GLCCI1: variants seen among roughly 807,000 people sequenced by gnomAD.
GLCCI1 encodes the protein glucocorticoid induced 1.
GLCCI1 carries 24 observed loss-of-function variants against 52.2 expected under a neutral mutation model. That is an observed-to-expected ratio of 0.46 (90% confidence interval 0.33 to 0.65). The LOEUF is 0.65. Among genes scored for constraint, GLCCI1 ranks in the 30% least tolerant of loss-of-function variants. The pLI is 0.02. For synonymous variants in GLCCI1, 310 were observed against 276.5 expected, an observed-to-expected ratio of 1.12 and a Z score of -1.20; for missense variants, 704 against 701.5, an observed-to-expected ratio of 1.00 and a Z score of -0.04.
chr7:8,057,351 A>G (rs867171408), intron 4 of GLCCI1, among the ~76,000 whole-genome samples: 1 of 152,214 alleles, frequency 6.6e-6, no homozygotes, highest in Non-Finnish European at 1.5e-5. Flanking sequence ...CCATGCATCC[A>G]TGCAATACTG....
At chr7:8,070,624 T>C (rs1031839553) in intron 5 of GLCCI1, 1 of 223,260 alleles carries the variant, frequency 4.5e-6, no homozygotes, top group African/African-American at 2.3e-5. Context: ...CCAGGAGTAG[T>C]GCCAGGCACA....
intron 5 of GLCCI1, among the ~76,000 whole-genome samples, chr7:8,069,162 G>C (rs1203259309): frequency 6.6e-6 from 1 of 152,184 alleles, no homozygotes; most frequent in Non-Finnish European, 1.5e-5. Flanking sequence ...GGCAGCAGGG[G>C]AAGGGACCTT....
chr7:8,073,862 G>A lies in GLCCI1; in HGVS notation c.1177+2731G>A, dbSNP rs117372444. On this transcript the variant is annotated intron_variant, in intron 6 of 7. Transcript: ENST00000223145. The stretch of plus-strand genomic sequence containing the variant: ...AATATCTACCATATTTAGCTGAGAG[G>A]CATTACTTTGTGATTAAGATCAAGT... 4.6e-3 allele frequency among the ~76,000 whole-genome samples: 704 copies of A among 152,266 alleles called. 2 individuals are homozygous for A. The highest frequency in any genetic ancestry group is 0.01 in the Middle Eastern group (3 of 294).
chr7:8,055,647 G>A, intron 4 of GLCCI1, 98 bp downstream of exon 4: 1 of 779,262 alleles, frequency 1.3e-6, no homozygotes, highest in Non-Finnish European at 2.2e-6. Flanking sequence ...TAAATATTTA[G>A]CTCTACTAAA....
chr7:8,014,831 TAA>T (rs1781343868), intron 2 of GLCCI1, among the ~76,000 whole-genome samples: 1 of 152,244 alleles, frequency 6.6e-6, no homozygotes, highest in Admixed American at 6.5e-5. Flanking sequence ...AGATCTTAAA[TAA>T]AATTACATAT....
intron 5 of GLCCI1, among the ~76,000 whole-genome samples, chr7:8,068,559 A>C (rs1348546458): frequency 6.6e-6 from 1 of 152,212 alleles, no homozygotes; most frequent in African/African-American, 2.4e-5. Flanking sequence ...GGTAATCATT[A>C]GATTCCTTGG....
Position 8,031,900 on chromosome 7 carries a change from AATCATAAGG to A in GLCCI1, c.696+9334_696+9342del, listed in dbSNP as rs1320610413. Among the ~76,000 whole-genome samples, 13 of 152,202 alleles carry A rather than the reference AATCATAAGG, an allele frequency of 8.5e-5. No homozygotes were observed. The East Asian group carries it at 2.5e-3, about 29-fold the overall frequency. On this transcript the variant is annotated intron_variant, in intron 3 of 7. Coordinates refer to ENST00000223145, the MANE Select transcript of GLCCI1 (RefSeq NM_138426.4). The stretch of plus-strand genomic sequence containing the variant: ...GGTTAGTGCAAAAGGAACTTAAAAC[AATCATAAGG>A]ATATATGCATCTAACATCTGCATTT...
At chr7:7,977,619 TTCTGTG>T (rs1780522000) in intron 1 of GLCCI1, among the ~76,000 whole-genome samples, 1 of 152,314 alleles carries the variant, frequency 6.6e-6, no homozygotes, top group Non-Finnish European at 1.5e-5. Context: ...GCATCTTATC[TTCTGTG>T]TCTTTAAAAT....
chr7:8,062,507 C>G (rs571610346), intron 5 of GLCCI1, among the ~76,000 whole-genome samples: 1 of 152,236 alleles, frequency 6.6e-6, no homozygotes, highest in South Asian at 2.1e-4. Context: ...GTGCAGGTTT[C>G]TTACATAGGT....
chr7:8,001,846 C>T (rs181319625), intron 1 of GLCCI1, among the ~76,000 whole-genome samples: 94 of 152,168 alleles, frequency 6.2e-4, no homozygotes, highest in African/African-American at 1.4e-3. Flanking sequence ...AGCAAATTAT[C>T]GCAAGGACCA....
chr7:8,063,663 G>C (rs1381688213), intron 5 of GLCCI1, among the ~76,000 whole-genome samples: 1 of 139,542 alleles, frequency 7.2e-6, no homozygotes, highest in South Asian at 2.3e-4. Context: ...CCATTGCCCA[G>C]GCTGGAGTAT....
chr7:7,983,900 T>C (rs1036822697), intron 1 of GLCCI1, among the ~76,000 whole-genome samples: 3 of 152,204 alleles, frequency 2.0e-5, no homozygotes, highest in African/African-American at 7.2e-5. Context: ...AGCTGGGTGC[T>C]CTTGCTGGTA....
intron 3 of GLCCI1, among the ~76,000 whole-genome samples, chr7:8,033,012 G>A (rs940093312): frequency 1.3e-5 from 2 of 151,726 alleles, no homozygotes; most frequent in Admixed American, 6.6e-5. Context: ...AATAAAATAT[G>A]AGCAAACCAA....
intron 5 of GLCCI1, among the ~76,000 whole-genome samples, chr7:8,064,539 C>G (rs544780525): frequency 1.3e-5 from 2 of 152,208 alleles, no homozygotes; most frequent in African/African-American, 4.8e-5. Flanking sequence ...CATGTGATGC[C>G]TCTAGCTGTG....
chr7:8,025,192 G>A (rs769618586), intron 3 of GLCCI1, among the ~76,000 whole-genome samples: 14 of 152,116 alleles, frequency 9.2e-5, no homozygotes, highest in East Asian at 1.9e-4. Flanking sequence ...TCAGGCCACC[G>A]ATGTGTTCTT....
intron 6 of GLCCI1, among the ~76,000 whole-genome samples, chr7:8,082,776 C>G (rs977321017): frequency 1.3e-5 from 2 of 152,090 alleles, no homozygotes; most frequent in African/African-American, 4.8e-5. Flanking sequence ...AGAAAAATTA[C>G]TTATTCTAGA....
intron 2 of GLCCI1, among the ~76,000 whole-genome samples, chr7:8,020,027 C>T (rs1223525560): frequency 6.6e-6 from 1 of 152,072 alleles, no homozygotes; most frequent in Non-Finnish European, 1.5e-5. Context: ...CTTAGCTTAC[C>T]ATAACATTTT....
At chr7:8,045,744 C>G (rs775701691) in intron 3 of GLCCI1, among the ~76,000 whole-genome samples, 3 of 152,082 alleles carry the variant, frequency 2.0e-5, no homozygotes, top group Non-Finnish European at 2.9e-5. Context: ...GACCAAAGTT[C>G]CAGTCTTCTT....
chr7:7,979,159 A>G (rs984060373), intron 1 of GLCCI1, among the ~76,000 whole-genome samples: 1 of 152,188 alleles, frequency 6.6e-6, no homozygotes, highest in Non-Finnish European at 1.5e-5. Flanking sequence ...GACTGTGCTC[A>G]GAGATTAGAT....
Sources: gnomAD v4.1 joint callset for allele counts (sites outside exome capture counted in the v4.1 genomes callset) on GRCh38, gnomAD v4.1.1 for gene constraint, MANE v1.5 for transcripts, NCBI Gene and HGNC (gene_info 2026-07-23, HGNC 2026-07-21) for gene names.